The following PALLD variants were observed in gnomAD, a reference collection of about 807,000 sequenced individuals.
The protein encoded by PALLD is palladin, cytoskeletal associated protein.
A neutral mutation model predicts 123.5 loss-of-function variants in PALLD; 61 were observed. The ratio of observed to expected loss-of-function variants is 0.49; its 90% CI spans 0.40 to 0.61. PALLD has a LOEUF of 0.61. PALLD is among the 20% of genes least tolerant of loss of function. The pLI, the probability that PALLD is intolerant of heterozygous loss-of-function variation, is 0.00. For synonymous variants in PALLD, 465 were observed against 496.4 expected, an observed-to-expected ratio of 0.94 and a Z score of 0.84; for missense variants, 1,273 against 1,377.0, an observed-to-expected ratio of 0.92 and a Z score of 1.20.
intron 3 of PALLD, among the ~76,000 whole-genome samples, chr4:168,675,326 A>G (rs1263678785): frequency 6.6e-6 from 1 of 152,204 alleles, no homozygotes; most frequent in Non-Finnish European, 1.5e-5. Context: ...GTCCTGTTAG[A>G]CACAGGTTCT....
intron 10 of PALLD, among the ~76,000 whole-genome samples, chr4:168,712,875 CT>C (rs1397786999): frequency 6.6e-6 from 1 of 152,148 alleles, no homozygotes; most frequent in African/African-American, 2.4e-5. Context: ...CTAGCCTACT[CT>C]TTTCTCTCTG....
chr4:168,827,808 C>T (rs1581664723), intron 10 of PALLD, among the ~76,000 whole-genome samples: 1 of 152,052 alleles, frequency 6.6e-6, no homozygotes, highest in African/African-American at 2.4e-5. Flanking sequence ...TTTGGGAGGC[C>T]GAAGAGGCAG....
intron 8 of PALLD, among the ~76,000 whole-genome samples, chr4:168,692,288 A>G (rs1178051627): frequency 1.3e-5 from 2 of 152,180 alleles, no homozygotes; most frequent in East Asian, 3.9e-4. Context: ...TTAGGATCCA[A>G]CGTTTAAGGG....
intron 2 of PALLD, among the ~76,000 whole-genome samples, chr4:168,524,297 G>A (rs1234047757): frequency 2.0e-5 from 3 of 152,096 alleles, no homozygotes; most frequent in Non-Finnish European, 4.4e-5. Context: ...GTATCTAGTG[G>A]TGATTTCATG....
intron 1 of PALLD, among the ~76,000 whole-genome samples, chr4:168,497,465 T>C (rs1760866881): frequency 6.6e-6 from 1 of 152,176 alleles, no homozygotes; most frequent in Non-Finnish European, 1.5e-5. Flanking sequence ...GCTAAGATGG[T>C]GCTATCAATT....
chr4:168,771,075 A>AAC (rs1455373567), intron 10 of PALLD, among the ~76,000 whole-genome samples: 8 of 44,140 alleles, frequency 1.8e-4, no homozygotes, highest in Non-Finnish European at 4.5e-4. Context: ...AAAAAAAAAA[A>AAC]CAAAAAAAAA....
chr4:168,886,626 G>A (rs972704042), intron 10 of PALLD, among the ~76,000 whole-genome samples: 1 of 152,108 alleles, frequency 6.6e-6, no homozygotes, highest in Non-Finnish European at 1.5e-5. Context: ...CTGGGTGACA[G>A]AGCAAAACCC....
chr4:168,634,217 T>C (rs1237614386), intron 2 of PALLD, among the ~76,000 whole-genome samples: 1 of 152,230 alleles, frequency 6.6e-6, no homozygotes, highest in African/African-American at 2.4e-5. Flanking sequence ...GATTTTACAG[T>C]TGGGTCATTT....
intron 10 of PALLD, chr4:168,829,393 AT>A (rs2150837820): frequency 6.6e-6 from 1 of 152,372 alleles, no homozygotes; most frequent in Admixed American, 6.5e-5. Context: ...CTCCAAGTCT[AT>A]TCTACCCCAC....
intron 2 of PALLD, among the ~76,000 whole-genome samples, chr4:168,517,599 C>A (rs774117636): frequency 6.6e-6 from 1 of 152,008 alleles, no homozygotes; most frequent in African/African-American, 2.4e-5. Flanking sequence ...TCCTCAAAAA[C>A]GACAGGAAGA....
chr4:168,567,508 T>C (rs575918651), intron 2 of PALLD, among the ~76,000 whole-genome samples: 22 of 151,524 alleles, frequency 1.5e-4, no homozygotes, highest in African/African-American at 4.4e-4. Flanking sequence ...AAGTGTCCAA[T>C]GTCCATCAAT....
chr4:168,838,594 C>T (rs956081288), intron 10 of PALLD, among the ~76,000 whole-genome samples: 3 of 150,332 alleles, frequency 2.0e-5, no homozygotes, highest in Non-Finnish European at 3.0e-5. Context: ...TGACTCTTAA[C>T]ATCCTTCCAC....
chr4:168,877,223 T>C (rs1410457311), intron 10 of PALLD, among the ~76,000 whole-genome samples: 1 of 152,234 alleles, frequency 6.6e-6, no homozygotes, highest in Non-Finnish European at 1.5e-5. Context: ...ACCTGTGGTA[T>C]TTATTGAATG....
chr4:168,768,123 C>T (rs1733927597), intron 10 of PALLD, among the ~76,000 whole-genome samples: 1 of 152,184 alleles, frequency 6.6e-6, no homozygotes, highest in Non-Finnish European at 1.5e-5. Flanking sequence ...CTCCCATCCG[C>T]ATTCCACTGG....
intron 2 of PALLD, among the ~76,000 whole-genome samples, chr4:168,566,044 T>G (rs2149591279): frequency 6.6e-6 from 1 of 152,302 alleles, no homozygotes; most frequent in South Asian, 2.1e-4. Context: ...GTTATAATAG[T>G]GCAAAACAGG....
At chr4:168,582,933 G>C (rs577898798) in intron 2 of PALLD, among the ~76,000 whole-genome samples, 1 of 152,206 alleles carries the variant, frequency 6.6e-6, no homozygotes, top group Admixed American at 6.5e-5. Flanking sequence ...AAATTCCTTG[G>C]TTCCAGTACT....
intron 10 of PALLD, among the ~76,000 whole-genome samples, chr4:168,860,469 C>T (rs1206277984): frequency 1.3e-5 from 2 of 152,132 alleles, no homozygotes; most frequent in Non-Finnish European, 2.9e-5. Context: ...TTGCTCACTC[C>T]AATAGTTGAG....
chr4:168,645,612 G>A (rs1777370368), intron 2 of PALLD, among the ~76,000 whole-genome samples: 1 of 152,122 alleles, frequency 6.6e-6, no homozygotes, highest in South Asian at 2.1e-4. Flanking sequence ...CTTCTCTCAT[G>A]GGGTTTCTGA....
rs1714172178 is a variant in PALLD at position 168,896,447 on chromosome 4, A to G, written c.2200-102A>G. The stretch of plus-strand genomic sequence containing the variant: ...TCACAGCACCGTTACTACCAAACGC[A>G]TATTGCTAGCACAAAAGTTTCACTT... On this transcript the variant is annotated intron_variant, in intron 12 of 21. Transcript: ENST00000505667. The G allele has an allele frequency of 5.5e-6, 4 of 728,146 alleles. No individual in the cohort carries two copies. The South Asian group carries it at 6.0e-5, about 11-fold the overall frequency. The allele number at this position is 728,146 out of a possible 1,614,324, so 45.1% of individuals were successfully genotyped here.
Sources: allele counts gnomAD v4.1 joint callset (sites outside exome capture counted in the v4.1 genomes callset), GRCh38; gene constraint gnomAD v4.1.1; transcripts MANE v1.5; gene names NCBI Gene and HGNC (gene_info 2026-07-23, HGNC 2026-07-21).